The following FMN1 variants were observed in gnomAD, a reference collection of about 807,000 sequenced individuals.
FMN1 encodes formin 1.
Under a neutral mutation model 132.4 loss-of-function variants are expected in FMN1, and 110 were observed. The ratio of observed to expected loss-of-function variants is 0.83; its 90% confidence interval spans 0.71 to 0.97. The LOEUF (loss-of-function observed/expected upper bound fraction) is 0.97, where lower values mean the gene tolerates loss of function less well. Among genes scored for constraint, FMN1 ranks in the 50% least tolerant of loss-of-function variants. The pLI, the probability that FMN1 is intolerant of heterozygous loss-of-function variation, is 0.00. For missense variants in FMN1, 1,792 were observed against 1,705.3 expected (o/e 1.05, Z -0.90); for synonymous variants, 722 against 651.7 (o/e 1.11, Z -1.64).
chr15:32,928,251 A>G (rs1187942932), intron 9 of FMN1, among the ~76,000 whole-genome samples: 3 of 152,182 alleles, frequency 2.0e-5, no homozygotes, highest in Non-Finnish European at 4.4e-5. Flanking sequence ...AAGATTCTTG[A>G]GGCATACAGA....
At chr15:32,935,804 T>C (rs1314297292) in intron 9 of FMN1, among the ~76,000 whole-genome samples, 1 of 152,090 alleles carries the variant, frequency 6.6e-6, no homozygotes, top group Non-Finnish European at 1.5e-5. Context: ...ATTTTTGTTC[T>C]TTTAGTAGAG....
In FMN1 at chr15:32,771,237, C is replaced by T. The variant is rs963809084; in HGVS notation, c.*3073G>A. The T allele has an allele frequency of 3.3e-5, 5 of 151,762 alleles. No individual in the cohort carries two copies. Among genetic ancestry groups the T allele is most frequent in the African/African-American group, 1.2e-4 (5 of 41,330 alleles). The allele number at this position is 151,762 out of a possible 1,614,324, so 9.4% of individuals were successfully genotyped here. A position where few individuals can be genotyped will look rare whatever the true frequency, so the allele number is the denominator to read the frequency against. On this transcript the variant is annotated 3_prime_UTR_variant, in exon 21 of 21. Transcript: ENST00000616417. Reference sequence around the variant, plus strand: ...GGGACTACAGGCGCCCACCACCACGCCCGGCTAATTTTTTGTATTTTTAGT... The same window carrying T: ...GGGACTACAGGCGCCCACCACCACGTCCGGCTAATTTTTTGTATTTTTAGT...
In FMN1 at chr15:33,150,692, G is replaced by A. The variant is rs561992977; in HGVS notation, c.1867+2356C>T. ...GAGTCTTCCAACTGGAAACAGATCT[G>A]ATTACTTTTGCCAGACTTAATCTCT... is the stretch of plus-strand genomic sequence containing the variant. On this transcript the variant is annotated intron_variant, in intron 4 of 20. Coordinates refer to ENST00000616417, the MANE Select transcript of FMN1 (RefSeq NM_001277313.2). The A allele has an allele frequency of 4.4e-5, 43 of 985,444 alleles. 1 individual carries two copies. The South Asian group carries it at 1.6e-3, about 38-fold the overall frequency. 61.0% of individuals were successfully genotyped at this position (985,444 alleles called of 1,614,324 possible). A position where few individuals can be genotyped will look rare whatever the true frequency, so the allele number is the denominator to read the frequency against.
chr15:33,066,860 A>G, intron 5 of FMN1: 1 of 1,613,992 alleles, frequency 6.2e-7, no homozygotes, highest in Non-Finnish European at 8.5e-7. Flanking sequence ...GAGCTGCTCC[A>G]GGAGAGTGGG....
intron 17 of FMN1, among the ~76,000 whole-genome samples, chr15:32,823,332 C>CT (rs1031159459): frequency 6.6e-6 from 1 of 151,540 alleles, no homozygotes; most frequent in Non-Finnish European, 1.5e-5. Context: ...CAGTTAATTT[C>CT]TTTTTGTATT....
At chr15:32,834,434 T>C (rs965288824) in intron 17 of FMN1, among the ~76,000 whole-genome samples, 1 of 152,170 alleles carries the variant, frequency 6.6e-6, no homozygotes, top group Non-Finnish European at 1.5e-5. Context: ...CTCTGTTCCC[T>C]TGCCCTTTCA....
At chr15:32,817,863 T>C (rs931753953) in intron 17 of FMN1, among the ~76,000 whole-genome samples, 5 of 152,192 alleles carry the variant, frequency 3.3e-5, no homozygotes, top group Middle Eastern at 6.3e-3. Context: ...TGAAGAAAAA[T>C]TTGTACAAAC....
At position 32,968,832 on chromosome 15, in the gene FMN1, G is replaced by A. The variant is rs1596365620; in HGVS notation, c.2869C>T (p.Pro957Ser). Residue 957 changes from proline (P) to serine (S), a missense_variant, in exon 8 of 21, where the codon CCT becomes TCT. Around this residue, in one of 3 missense-constraint regions of FMN1, gnomAD observed 1,150 missense variants for 1,043.1 expected, o/e 1.10. Coordinates refer to ENST00000616417, the MANE Select transcript of FMN1 (RefSeq NM_001277313.2). Reference protein sequence around the residue: ...PPPGLAPPPPPGLFFGLGSSS... With the variant: ...PPPGLAPPPPSGLFFGLGSSS... ...GAGCCAAGTCCAAAGAAGAGTCCAG[G>A]GGGAGGTGGGGGTGCAAGTCCTGGG... 1 of 1,610,684 alleles carries A rather than the reference G, an allele frequency of 6.2e-7. No individual in the cohort carries two copies. The highest frequency in any genetic ancestry group is 1.1e-5 in the South Asian group (1 of 90,712).
intron 4 of FMN1, among the ~76,000 whole-genome samples, chr15:33,132,006 C>G (rs989398793): frequency 6.6e-6 from 1 of 152,052 alleles, no homozygotes; most frequent in Admixed American, 6.6e-5. Context: ...GGAAGTGCCC[C>G]GAAATGACCT....
In FMN1 at chr15:32,802,839, G is replaced by A. The variant is rs567209825; in HGVS notation, c.3980+1442C>T. Among the ~76,000 whole-genome samples the A allele has an allele frequency of 3.5e-4, 54 of 152,166 alleles. 2 individuals carry two copies. The highest frequency in any genetic ancestry group is 3.4e-3 in the Admixed American group (52 of 15,274). ...CTAGTTTTATGCATTGTGAAGGGAA[G>A]CTTAACATAGGAATAAGGTCAATAG... On this transcript the variant is annotated intron_variant, in intron 18 of 20. Transcript: ENST00000616417.
chr15:32,906,875 AG>A (rs564836903), intron 12 of FMN1, among the ~76,000 whole-genome samples: 2 of 152,270 alleles, frequency 1.3e-5, no homozygotes, highest in East Asian at 3.9e-4. Flanking sequence ...ACCTACTTTG[AG>A]GGGGGATCCT....
chr15:32,998,306 C>T (rs970952017), intron 7 of FMN1, among the ~76,000 whole-genome samples: 10 of 152,148 alleles, frequency 6.6e-5, no homozygotes, highest in African/African-American at 2.4e-4. Flanking sequence ...GATCAATTAA[C>T]AACTATTTAT....
chr15:33,114,590 T>TC (rs2039840297), intron 4 of FMN1, among the ~76,000 whole-genome samples: 1 of 152,106 alleles, frequency 6.6e-6, no homozygotes, highest in African/African-American at 2.4e-5. Flanking sequence ...CGCGAGTCTC[T>TC]CCTCGTCTCA....
intron 6 of FMN1, among the ~76,000 whole-genome samples, chr15:33,054,083 C>A (rs1026424172): frequency 2.6e-5 from 4 of 152,136 alleles, no homozygotes; most frequent in Admixed American, 6.5e-5. Flanking sequence ...CGGTGTCCAA[C>A]CCCCATCCTG....
Position 32,962,057 on chromosome 15 carries a change from C to A in FMN1, c.3138+2050G>T, listed in dbSNP as rs573888521. ...TTCCCCTGCACTACTATGTGATTGA[C>A]AGGGTTTATGTTTAGTGTTTGTTAA... On this transcript the variant is annotated intron_variant, in intron 9 of 20. Coordinates refer to ENST00000616417, the MANE Select transcript of FMN1 (RefSeq NM_001277313.2). Among the ~76,000 whole-genome samples, 39 of 152,212 alleles carry A rather than the reference C, an allele frequency of 2.6e-4. 2 individuals are homozygous for A. In the South Asian group the frequency reaches 8.1e-3, roughly 32 times the overall value.
At chr15:32,998,067 G>GACC (rs2033882088) in intron 7 of FMN1, among the ~76,000 whole-genome samples, 1 of 152,196 alleles carries the variant, frequency 6.6e-6, no homozygotes, top group Non-Finnish European at 1.5e-5. Flanking sequence ...GCTATAAGAT[G>GACC]ATAGTAAGTG....
chr15:32,973,025 CTT>C (rs565436188), intron 7 of FMN1, among the ~76,000 whole-genome samples: 16 of 152,174 alleles, frequency 1.1e-4, no homozygotes, highest in East Asian at 1.9e-4. Context: ...ATTGATTTCT[CTT>C]GTCACCCCCA....
At chr15:33,125,977 AAGTT>A (rs1032385921) in intron 4 of FMN1, among the ~76,000 whole-genome samples, 12 of 144,948 alleles carry the variant, frequency 8.3e-5, no homozygotes, top group East Asian at 1.9e-4. Context: ...GTAAGTCACT[AAGTT>A]AGGAAAGTGG....
intron 16 of FMN1, among the ~76,000 whole-genome samples, chr15:32,869,733 G>A (rs536322272): frequency 5.3e-5 from 8 of 152,274 alleles, no homozygotes. Context: ...CTGGTCAGTA[G>A]GAAAGTGAAG....
Sources: allele counts gnomAD v4.1 joint callset (sites outside exome capture counted in the v4.1 genomes callset), GRCh38; gene constraint gnomAD v4.1.1; regional missense constraint gnomAD v4.1.1; transcripts MANE v1.5; gene names NCBI Gene and HGNC (gene_info 2026-07-23, HGNC 2026-07-21).